The following CEP85L variants were observed in gnomAD, a reference collection of about 807,000 sequenced individuals.
CEP85L encodes centrosomal protein of 85 kDa-like.
In CEP85L, 60 loss-of-function variants were observed where a neutral mutation model predicts 100.3. The observed-to-expected ratio is 0.60, with a 90% CI of 0.49 to 0.74. The LOEUF (loss-of-function observed/expected upper bound fraction) is 0.74, where lower values mean the gene tolerates loss of function less well. Among genes scored for constraint, CEP85L ranks in the 30% least tolerant of loss-of-function variants. The pLI is 0.00. For synonymous variants in CEP85L, 319 were observed against 322.7 expected (o/e 0.99, Z 0.12); for missense variants, 973 against 936.2 (o/e 1.04, Z -0.51).
intron 3 of CEP85L, among the ~76,000 whole-genome samples, chr6:118,545,575 A>C (rs1270989512): frequency 6.6e-6 from 1 of 152,130 alleles, no homozygotes; most frequent in Non-Finnish European, 1.5e-5. Context: ...TAACAGAGTG[A>C]GACTCCGCAC....
chr6:118,563,195 G>A (rs1464399709), intron 3 of CEP85L, among the ~76,000 whole-genome samples: 1 of 152,068 alleles, frequency 6.6e-6, no homozygotes, highest in African/African-American at 2.4e-5. Flanking sequence ...CATTCACAAA[G>A]GAAAATGATT....
upstream of CEP85L, chr6:118,651,600 T>A (rs1412903602): frequency 7.8e-6 from 8 of 1,027,554 alleles, no homozygotes; most frequent in Non-Finnish European, 8.2e-6. Context: ...CTCCGCCCCC[T>A]CCGCCGGCAG....
rs1226585086 is a variant in CEP85L, at chr6:118,613,295, A to T, written c.232+19158T>A. Among the ~76,000 whole-genome samples, 4 of 152,172 alleles carry T rather than the reference A, an allele frequency of 2.6e-5. No individual in the cohort carries two copies. In the East Asian group the frequency reaches 5.8e-4, roughly 22 times the overall value. On this transcript the variant is annotated intron_variant, in intron 2 of 12. Transcript: ENST00000368491. ...GCAGACATCTAACAAATAATAAGAG[A>T]ATGTTATAAACAATTCTACACACAT...
intron 1 of CEP85L, among the ~76,000 whole-genome samples, chr6:118,688,920 C>T (rs1776936898): frequency 6.6e-6 from 1 of 152,194 alleles, no homozygotes; most frequent in South Asian, 2.1e-4. Context: ...GTTTATGTTC[C>T]CCAGTGCAAA....
intron 2 of CEP85L, among the ~76,000 whole-genome samples, chr6:118,584,715 C>T (rs1186233719): frequency 6.6e-6 from 1 of 152,218 alleles, no homozygotes; most frequent in African/African-American, 2.4e-5. Flanking sequence ...CATGCCTCCC[C>T]GCCATTGCCT....
chr6:118,669,019 T>C (rs62422250), intron 1 of CEP85L, among the ~76,000 whole-genome samples: 20,726 of 152,250 alleles, frequency 0.14, 1,790 homozygotes, highest in Non-Finnish European at 0.19. Context: ...CAAGAAATGT[T>C]AAAGAAACTT....
intron 5 of CEP85L, among the ~76,000 whole-genome samples, chr6:118,508,874 A>G (rs2157569): frequency 0.71 from 107,610 of 151,830 alleles, 38,865 homozygotes; most frequent in African/African-American, 0.75. Context: ...AAAGATCCAA[A>G]GTTAAAAAAA....
At chr6:118,652,323 T>G, upstream of CEP85L, 1 of 898,086 alleles carries the variant, frequency 1.1e-6, no homozygotes, top group Non-Finnish European at 1.3e-6. Flanking sequence ...GTTTCCACCC[T>G]TCACCTGAAC....
intron 1 of CEP85L, among the ~76,000 whole-genome samples, chr6:118,676,964 T>C (rs1235384748): frequency 5.9e-5 from 9 of 152,196 alleles, no homozygotes; most frequent in South Asian, 2.1e-4. Context: ...TTTTTTTTCA[T>C]TTCTCTGTTG....
At chr6:118,483,950 A>G (rs1773984619) in intron 6 of CEP85L, 92 bp from the exon 7 acceptor site, 4 of 1,161,424 alleles carry the variant, frequency 3.4e-6, no homozygotes, top group South Asian at 1.5e-5. Context: ...CATTGAATTC[A>G]CCAACAGTTT....
At chr6:118,582,893 G>C (rs946688381) in intron 2 of CEP85L, among the ~76,000 whole-genome samples, 1 of 152,192 alleles carries the variant, frequency 6.6e-6, no homozygotes, top group Admixed American at 6.5e-5. Flanking sequence ...AGCCACTTCA[G>C]TCATTTACAA....
At chr6:118,595,580 T>C (rs1781420960) in intron 2 of CEP85L, among the ~76,000 whole-genome samples, 1 of 152,188 alleles carries the variant, frequency 6.6e-6, no homozygotes, top group Non-Finnish European at 1.5e-5. Flanking sequence ...GAATGAACCT[T>C]CTAAAAGCTC....
chr6:118,524,386 G>A (rs1251721597), intron 3 of CEP85L, among the ~76,000 whole-genome samples: 16 of 152,230 alleles, frequency 1.1e-4, no homozygotes, highest in African/African-American at 3.6e-4. Context: ...GGAGCTTGCA[G>A]TGAGCCGAGA....
At chr6:118,536,693 A>C (rs1777614741) in intron 3 of CEP85L, among the ~76,000 whole-genome samples, 1 of 152,204 alleles carries the variant, frequency 6.6e-6, no homozygotes. Flanking sequence ...AGAAAAGGCC[A>C]GATGACATAT....
At chr6:118,505,705 A>C (rs1775612942) in intron 5 of CEP85L, among the ~76,000 whole-genome samples, 1 of 152,186 alleles carries the variant, frequency 6.6e-6, no homozygotes, top group Non-Finnish European at 1.5e-5. Flanking sequence ...AACTATAGAG[A>C]CCATAACAAG....
At chr6:118,491,606 T>G (rs1774577744) in intron 6 of CEP85L, 80 bp downstream of exon 6, 6 of 1,532,004 alleles carry the variant, frequency 3.9e-6, no homozygotes, top group Non-Finnish European at 5.3e-6. Flanking sequence ...GCATGACACC[T>G]GACAGGGTAA....
At chr6:118,555,247 T>C (rs905226982) in intron 3 of CEP85L, among the ~76,000 whole-genome samples, 6 of 151,922 alleles carry the variant, frequency 3.9e-5, no homozygotes, top group Admixed American at 2.6e-4. Context: ...CTGGCTAACA[T>C]GGTGAAACCC....
intron 10 of CEP85L, among the ~76,000 whole-genome samples, chr6:118,473,998 T>C (rs929125679): frequency 6.6e-6 from 1 of 152,218 alleles, no homozygotes; most frequent in African/African-American, 2.4e-5. Flanking sequence ...TCGAATTCCT[T>C]TCTTAAATTA....
At chr6:118,684,920 G>A (rs964480294) in intron 1 of CEP85L, among the ~76,000 whole-genome samples, 2 of 152,162 alleles carry the variant, frequency 1.3e-5, no homozygotes, top group Non-Finnish European at 2.9e-5. Flanking sequence ...CCAAAGTGCT[G>A]GGATTACAGG....
Sources: allele counts gnomAD v4.1 joint callset (sites outside exome capture counted in the v4.1 genomes callset), GRCh38; gene constraint gnomAD v4.1.1; transcripts MANE v1.5; gene names NCBI Gene and HGNC (gene_info 2026-07-23, HGNC 2026-07-21).